The following UNC80 variants were observed in gnomAD, a reference collection of about 807,000 sequenced individuals.
UNC80 encodes protein unc-80 homolog.
UNC80 carries 164 observed loss-of-function variants against 384.6 expected under a neutral mutation model. That is an observed-to-expected ratio of 0.43 (90% CI 0.38 to 0.49). The LOEUF (loss-of-function observed/expected upper bound fraction) is 0.49. Ranked by LOEUF, UNC80 falls within the 20% of genes least tolerant of loss-of-function variation. The probability of loss-of-function intolerance (pLI) is 0.00; values close to 1 mark genes in which losing one functional copy is unlikely to be tolerated. For synonymous variants in UNC80, 1,486 were observed against 1,527.8 expected (o/e 0.97, Z 0.64); for missense variants, 3,330 against 4,143.0 (o/e 0.80, Z 5.39).
At chr2:209,981,002 A>C (rs2093144162) in intron 59 of UNC80, among the ~76,000 whole-genome samples, 2 of 152,246 alleles carry the variant, frequency 1.3e-5, no homozygotes, top group Admixed American at 1.3e-4. Context: ...TATAACAAGA[A>C]TCAATTTTAA....
intron 4 of UNC80, among the ~76,000 whole-genome samples, chr2:209,779,807 T>C (rs2077057838): frequency 6.6e-6 from 1 of 152,230 alleles, no homozygotes; most frequent in South Asian, 2.1e-4. Context: ...GATGTTTATA[T>C]GTTGACAAAT....
At chr2:209,904,394 A>T (rs2087918179) in intron 28 of UNC80, among the ~76,000 whole-genome samples, 1 of 152,252 alleles carries the variant, frequency 6.6e-6, no homozygotes, top group Non-Finnish European at 1.5e-5. Flanking sequence ...ATTTCTCACC[A>T]GTCTATGCCC....
intron 31 of UNC80, among the ~76,000 whole-genome samples, chr2:209,914,501 A>G (rs1302096507): frequency 6.6e-6 from 1 of 152,108 alleles, no homozygotes; most frequent in African/African-American, 2.4e-5. Context: ...TTCAAGTAAT[A>G]CAAAATTGTA....
At chr2:209,929,694 G>A (rs2090700870) in intron 36 of UNC80, among the ~76,000 whole-genome samples, 177 bp from the exon 37 acceptor site, 1 of 152,158 alleles carries the variant, frequency 6.6e-6, no homozygotes, top group African/African-American at 2.4e-5. Context: ...CTTTACATGT[G>A]AAAATGTTCA....
At chr2:209,824,249 C>T (rs1239721625) in intron 13 of UNC80, among the ~76,000 whole-genome samples, 7 of 152,252 alleles carry the variant, frequency 4.6e-5, no homozygotes, top group African/African-American at 1.7e-4. Context: ...TTGCAACCTT[C>T]TGAGCTGTCT....
intron 29 of UNC80, among the ~76,000 whole-genome samples, chr2:209,906,853 A>G (rs918508122): frequency 6.6e-6 from 1 of 152,200 alleles, no homozygotes; most frequent in Non-Finnish European, 1.5e-5. Flanking sequence ...TTCTTACTAT[A>G]AAAACTCCCT....
chr2:209,957,621 G>GTA, intron 48 of UNC80, 23 bp from the exon 49 acceptor site: 16 of 1,533,358 alleles, frequency 1.0e-5, no homozygotes, highest in Non-Finnish European at 1.4e-5. Flanking sequence ...GTTTTGCTGT[G>GTA]GTGATTACTG....
rs1559139755 is a variant in UNC80, at chr2:209,817,806, T to A, written c.1553-6T>A. 2.6e-6 allele frequency: 4 copies of A among 1,551,542 alleles called. No homozygotes were observed. Among genetic ancestry groups the A allele is most frequent in the Non-Finnish European group, 3.5e-6 (4 of 1,146,944 alleles). On this transcript the variant is annotated splice_polypyrimidine_tract_variant and splice_region_variant and intron_variant, in intron 10 of 64. Coordinates refer to ENST00000673920, the MANE Select transcript of UNC80 (RefSeq NM_001371986.1). ...CCCTCTTGTGGGGTGCTCTTATTCA[T>A]CCCAGGGAAATTGACCCGGCGAGGC...
intron 16 of UNC80, 136 bp from the exon 17 acceptor site, chr2:209,833,866 A>G (rs1260446093): frequency 1.3e-6 from 1 of 791,226 alleles, no homozygotes; most frequent in African/African-American, 1.7e-5. Flanking sequence ...AGTTTCATCA[A>G]TAGTAAACTG....
chr2:209,929,969 C>G lies in UNC80; in HGVS notation c.5905C>G (p.Gln1969Glu), dbSNP rs1424201711. The change falls in exon 37 of 65, where the codon CAA becomes GAA. Residue 1969 changes from glutamine (Q) to glutamate (E), a missense_variant and splice_region_variant. This residue lies in a region of UNC80 where 1,049 missense variants were observed against 1,488.6 expected (regional missense o/e 0.70). Coordinates refer to ENST00000673920, the MANE Select transcript of UNC80 (RefSeq NM_001371986.1). ...FLEKLTISNR[Q>E]DELMYMLRKL... is the part of the protein sequence containing the mutation. ...GGAAAAACTGACCATCAGCAATAGA[C>G]AAGTAAATTCCTCTTCCTTTTTAGT... 2.6e-6 allele frequency: 4 copies of G among 1,527,240 alleles called. No individual in the cohort carries two copies. The allele number at this position is 1,527,240 out of a possible 1,614,324, so 94.6% of individuals were successfully genotyped here.
In UNC80 at chr2:209,840,574, C is replaced by G; in HGVS notation, c.3283C>G (p.Leu1095Val). Residue 1095 changes from leucine (L) to valine (V), a missense_variant, in exon 20 of 65, where the codon CTG becomes GTG. Physicochemically the swap from Leu to Val is conservative, Grantham distance 32. Coordinates refer to ENST00000673920, the MANE Select transcript of UNC80 (RefSeq NM_001371986.1). ...NWLKRSSLSG[L>V]ADGVEDLLDI... ...GCTGAAGAGATCATCCCTCTCAGGCCTGGCAGATGGTGTGGAGGACCTCCT... is the reference window on the plus strand; with the variant it reads ...GCTGAAGAGATCATCCCTCTCAGGCGTGGCAGATGGTGTGGAGGACCTCCT... 1.9e-6 allele frequency: 3 copies of G among 1,551,852 alleles called. No homozygotes were observed. Among genetic ancestry groups the G allele is most frequent in the Non-Finnish European group, 2.6e-6 (3 of 1,147,002 alleles).
At chr2:209,896,862 A>C (rs1488842889) in intron 28 of UNC80, among the ~76,000 whole-genome samples, 3 of 152,196 alleles carry the variant, frequency 2.0e-5, no homozygotes, top group African/African-American at 7.2e-5. Flanking sequence ...AGGGTGAGCC[A>C]GAGGGCACAG....
At chr2:209,980,924 T>G (rs1407331051) in intron 59 of UNC80, among the ~76,000 whole-genome samples, 1 of 152,198 alleles carries the variant, frequency 6.6e-6, no homozygotes, top group Non-Finnish European at 1.5e-5. Context: ...TACCACATTT[T>G]TTATATTTTT....
chr2:209,793,675 A>G lies in UNC80; in HGVS notation c.799-45A>G, dbSNP rs180968782. On this transcript the variant is annotated intron_variant, in intron 6 of 64. Transcript: ENST00000673920. Reference sequence around the variant, plus strand: ...GATGATATAGCTACAGGGGAAAACAAAAAACAAAAAACAAAACCTAATCTG... The same window carrying G: ...GATGATATAGCTACAGGGGAAAACAGAAAACAAAAAACAAAACCTAATCTG... 2.8e-3 allele frequency: 4,563 copies of G among 1,603,482 alleles called. 14 individuals carry two copies. The highest frequency in any genetic ancestry group is 3.3e-3 in the Non-Finnish European group (3,840 of 1,173,666).
At chr2:209,815,890 C>G (rs1014273365) in intron 9 of UNC80, among the ~76,000 whole-genome samples, 1 of 152,090 alleles carries the variant, frequency 6.6e-6, no homozygotes, top group Non-Finnish European at 1.5e-5. Context: ...ATTTTTCTGC[C>G]ATTACTCTGC....
At chr2:209,818,049 G>A in intron 11 of UNC80, 97 bp downstream of exon 11, 2 of 1,421,404 alleles carry the variant, frequency 1.4e-6, no homozygotes, top group East Asian at 2.5e-5. Flanking sequence ...TCCGCTTCCT[G>A]TGTTTTCTGA....
chr2:209,972,150 C>T (rs893336757), intron 54 of UNC80, 51 bp from the exon 55 acceptor site: 7 of 1,536,526 alleles, frequency 4.6e-6, no homozygotes, highest in Middle Eastern at 1.7e-4. Flanking sequence ...AACAAACATA[C>T]TAAATGGGTG....
chr2:209,856,318 T>C (rs1182495341), intron 22 of UNC80, among the ~76,000 whole-genome samples: 2 of 152,166 alleles, frequency 1.3e-5, no homozygotes, highest in Non-Finnish European at 2.9e-5. Context: ...TTATTGCTGA[T>C]ATTTAAAAGA....
intron 62 of UNC80, 37 bp downstream of exon 62, chr2:209,992,284 C>A: frequency 6.5e-7 from 1 of 1,527,502 alleles, no homozygotes; most frequent in East Asian, 2.5e-5. Context: ...AACCATCCTA[C>A]GAATTGGAAG....
Sources: allele counts gnomAD v4.1 joint callset (sites outside exome capture counted in the v4.1 genomes callset), GRCh38; gene constraint gnomAD v4.1.1; regional missense constraint gnomAD v4.1.1; transcripts MANE v1.5; gene names NCBI Gene and HGNC (gene_info 2026-07-23, HGNC 2026-07-21).